ITPR2: variants seen among roughly 807,000 people sequenced by gnomAD.
ITPR2 encodes inositol 1,4,5-trisphosphate receptor type 2.
Under a neutral mutation model 317.1 loss-of-function variants are expected in ITPR2, and 207 were observed. The ratio of observed to expected loss-of-function variants is 0.65; its 90% CI spans 0.58 to 0.73. ITPR2 has a LOEUF of 0.73. Ranked by LOEUF, ITPR2 falls within the 30% of genes least tolerant of loss-of-function variation. The pLI, the probability that ITPR2 is intolerant of heterozygous loss-of-function variation, is 0.00. For missense variants in ITPR2, 2,613 were observed against 3,284.0 expected, an observed-to-expected ratio of 0.80 and a Z score of 4.99; for synonymous variants, 1,156 against 1,149.1, an observed-to-expected ratio of 1.01 and a Z score of -0.12.
intron 37 of ITPR2, among the ~76,000 whole-genome samples, chr12:26,548,403 C>T (rs559538373): frequency 9.9e-5 from 15 of 151,940 alleles, no homozygotes; most frequent in East Asian, 5.8e-4. Context: ...GGAACACTGA[C>T]GCTGTGCAGA....
chr12:26,833,051 C>A lies in ITPR2; in HGVS notation c.-270G>T. On this transcript the variant is annotated 5_prime_UTR_variant, in exon 1 of 57. Coordinates refer to ENST00000381340, the MANE Select transcript of ITPR2 (RefSeq NM_002223.4). ...AGAAGCCGCAGCCGCCGCCGCCTCC[C>A]CGGCAGGTTTCCTGTTCCTTTCTGA... The A allele has an allele frequency of 2.2e-6, 1 of 447,712 alleles. No individual in the cohort carries two copies. The highest frequency in any genetic ancestry group is 3.9e-6 in the Non-Finnish European group (1 of 255,942). The allele number at this position is 447,712 out of a possible 1,614,324, so 27.7% of individuals were successfully genotyped here.
At chr12:26,423,102 C>T (rs1198542710) in intron 49 of ITPR2, among the ~76,000 whole-genome samples, 3 of 152,220 alleles carry the variant, frequency 2.0e-5, no homozygotes, top group African/African-American at 7.2e-5. Flanking sequence ...TCTCATCATA[C>T]TTTAACCCCA....
chr12:26,709,616 A>G (rs1174513529), intron 9 of ITPR2, among the ~76,000 whole-genome samples: 1 of 152,256 alleles, frequency 6.6e-6, no homozygotes, highest in Non-Finnish European at 1.5e-5. Flanking sequence ...GAAAACTAGT[A>G]ATATACATGT....
intron 11 of ITPR2, among the ~76,000 whole-genome samples, chr12:26,682,950 C>T (rs527549371): frequency 2.0e-5 from 3 of 152,224 alleles, no homozygotes; most frequent in East Asian, 3.9e-4. Flanking sequence ...AAACTTCATC[C>T]CCATCGACTG....
intron 16 of ITPR2, 98 bp from the exon 17 acceptor site, chr12:26,658,228 T>C: frequency 1.3e-6 from 1 of 792,372 alleles, no homozygotes. Context: ...AATAAACTTA[T>C]TATATGTTTT....
intron 37 of ITPR2, among the ~76,000 whole-genome samples, chr12:26,497,713 T>C (rs1942972809): frequency 6.7e-6 from 1 of 148,760 alleles, no homozygotes. Flanking sequence ...CAAGAATTTT[T>C]TTTTTTTTTT....
chr12:26,479,374 G>T lies in ITPR2; in HGVS notation c.6123+1757C>A, dbSNP rs138003992. Among the ~76,000 whole-genome samples the T allele has an allele frequency of 6.0e-3, 917 of 152,006 alleles. 11 individuals carry two copies. The highest frequency in any genetic ancestry group is 0.021 in the African/African-American group (886 of 41,468). ...AATTTTTTTACATAGGCTTTGATTTGTAAATAATCTATATGCTTATACTTT... is the reference window on the plus strand; with the variant it reads ...AATTTTTTTACATAGGCTTTGATTTTTAAATAATCTATATGCTTATACTTT... On this transcript the variant is annotated intron_variant, in intron 43 of 56. Coordinates refer to ENST00000381340, the MANE Select transcript of ITPR2 (RefSeq NM_002223.4).
chr12:26,675,098 G>A (rs1179336374), intron 13 of ITPR2, among the ~76,000 whole-genome samples: 3 of 151,810 alleles, frequency 2.0e-5, no homozygotes, highest in Admixed American at 6.6e-5. Flanking sequence ...CACTGTTGGT[G>A]GGACTGTAAA....
At chr12:26,705,331 G>A (rs1948530262) in intron 9 of ITPR2, among the ~76,000 whole-genome samples, 1 of 152,074 alleles carries the variant, frequency 6.6e-6, no homozygotes, top group Non-Finnish European at 1.5e-5. Flanking sequence ...TTTGTTTCTG[G>A]CCTGTTTAGT....
At chr12:26,609,675 A>G (rs1946219877) in intron 26 of ITPR2, among the ~76,000 whole-genome samples, 1 of 152,190 alleles carries the variant, frequency 6.6e-6, no homozygotes, top group African/African-American at 2.4e-5. Flanking sequence ...GGGAAATACT[A>G]AGTTTATACT....
intron 34 of ITPR2, among the ~76,000 whole-genome samples, chr12:26,562,437 GAGATCTGCTCTCTTCCCA>G (rs1944844709): frequency 6.6e-6 from 1 of 152,146 alleles, no homozygotes; most frequent in South Asian, 2.1e-4. Flanking sequence ...CACTCTTCCC[GAGATCTGCTCTCTTCCCA>G]AGATCTGCTG....
chr12:26,345,565 C>T (rs1031763869), intron 55 of ITPR2, among the ~76,000 whole-genome samples: 1 of 152,140 alleles, frequency 6.6e-6, no homozygotes, highest in African/African-American at 2.4e-5. Context: ...ACTGGAAGCA[C>T]AGAAAACAAA....
At chr12:26,760,726 C>T (rs1481267107) in intron 2 of ITPR2, among the ~76,000 whole-genome samples, 5 of 152,164 alleles carry the variant, frequency 3.3e-5, no homozygotes, top group African/African-American at 1.2e-4. Flanking sequence ...GGAATCCTGG[C>T]GAGAAAGACT....
intron 21 of ITPR2, among the ~76,000 whole-genome samples, chr12:26,641,447 T>TG (rs1208079178): frequency 4.6e-4 from 2 of 4,346 alleles, no homozygotes; most frequent in Non-Finnish European, 7.2e-4. Context: ...AAGCTGTAGG[T>TG]TTTTTTTTTA....
intron 1 of ITPR2, among the ~76,000 whole-genome samples, chr12:26,816,996 G>A (rs923974433): frequency 3.3e-4 from 50 of 151,896 alleles, no homozygotes; most frequent in African/African-American, 9.9e-4. Context: ...TGGCTAACAC[G>A]GTGAAACCCC....
intron 48 of ITPR2, among the ~76,000 whole-genome samples, chr12:26,429,986 T>G (rs925418452): frequency 6.6e-6 from 1 of 152,230 alleles, no homozygotes; most frequent in African/African-American, 2.4e-5. Context: ...TCCAAGACCA[T>G]ATCTGGTTTG....
chr12:26,682,810 A>G, intron 11 of ITPR2, 137 bp from the exon 12 acceptor site: 1 of 603,580 alleles, frequency 1.7e-6, no homozygotes, highest in Non-Finnish European at 2.9e-6. Flanking sequence ...CTCTGCTTTA[A>G]GGGGAAATTC....
chr12:26,430,052 T>C (rs1237349695), intron 48 of ITPR2, among the ~76,000 whole-genome samples: 1 of 152,232 alleles, frequency 6.6e-6, no homozygotes, highest in Non-Finnish European at 1.5e-5. Context: ...AAATTGGGTG[T>C]TTGATCCCTT....
chr12:26,531,154 C>T (rs887860024), intron 37 of ITPR2, among the ~76,000 whole-genome samples: 20 of 152,154 alleles, frequency 1.3e-4, no homozygotes, highest in African/African-American at 4.6e-4. Context: ...CCTTGGATTA[C>T]CATAAATATT....
Sources: allele counts gnomAD v4.1 joint callset (sites outside exome capture counted in the v4.1 genomes callset), GRCh38; gene constraint gnomAD v4.1.1; transcripts MANE v1.5; gene names NCBI Gene and HGNC (gene_info 2026-07-23, HGNC 2026-07-21).